RNF17: variants seen among roughly 807,000 people sequenced by gnomAD.
RNF17 encodes the protein spermatogenesis associated 23.
In RNF17, 31 loss-of-function variants were observed where a neutral mutation model predicts 200.5. The ratio of observed to expected loss-of-function variants is 0.15; its 90% CI spans 0.12 to 0.21. The LOEUF (loss-of-function observed/expected upper bound fraction) is 0.21. RNF17 is among the 10% of genes least tolerant of loss of function. RNF17 has a pLI of 1.00. For missense variants in RNF17, 1,628 were observed against 1,905.1 expected (o/e 0.85, Z 2.71); for synonymous variants, 606 against 637.8 (o/e 0.95, Z 0.75).
rs148216881 is a variant in RNF17 at position 24,815,242 on chromosome 13, A to C, written c.2092-10377A>C. 5.6e-4 allele frequency among the ~76,000 whole-genome samples: 85 copies of C among 152,306 alleles called. 1 individual carries two copies. In the East Asian group the frequency reaches 0.014, roughly 26 times the overall value. On this transcript the variant is annotated intron_variant, in intron 15 of 35. Coordinates refer to ENST00000255324, the MANE Select transcript of RNF17 (RefSeq NM_031277.3). The stretch of plus-strand genomic sequence containing the variant: ...TCAACAGTTTTGTGTGGTTTTCAGC[A>C]TAACAATTTTTGGCCCATTTGCTCA...
upstream of RNF17, among the ~76,000 whole-genome samples, chr13:24,763,003 C>G (rs1878929212): frequency 6.6e-6 from 1 of 152,180 alleles, no homozygotes; most frequent in African/African-American, 2.4e-5. Context: ...TACCTTCCCT[C>G]ACATCTACCT....
intron 23 of RNF17, among the ~76,000 whole-genome samples, chr13:24,850,655 A>C (rs954591688): frequency 6.6e-6 from 1 of 152,208 alleles, no homozygotes; most frequent in African/African-American, 2.4e-5. Context: ...ATGTTTTATT[A>C]CATTGAGTAG....
intron 10 of RNF17, 55 bp downstream of exon 10, chr13:24,793,401 A>C: frequency 2.0e-6 from 3 of 1,464,002 alleles, no homozygotes; most frequent in Non-Finnish European, 2.7e-6. Flanking sequence ...AATTAGACAC[A>C]GTTGGTACCT....
intron 13 of RNF17, among the ~76,000 whole-genome samples, chr13:24,801,001 G>A (rs1885186373): frequency 6.6e-6 from 1 of 152,124 alleles, no homozygotes; most frequent in African/African-American, 2.4e-5. Flanking sequence ...ATTCTTACAA[G>A]GTCTATGAGA....
At chr13:24,876,257 A>T in intron 33 of RNF17, among the ~76,000 whole-genome samples, 1 of 152,078 alleles carries the variant, frequency 6.6e-6, no homozygotes. Flanking sequence ...TTTTCATCTT[A>T]ATTTCATTTT....
chr13:24,838,001 CAG>C (rs1378363536), intron 18 of RNF17, among the ~76,000 whole-genome samples: 5 of 152,064 alleles, frequency 3.3e-5, no homozygotes, highest in African/African-American at 9.7e-5. Flanking sequence ...AGAAATGAAA[CAG>C]GAGATATTAC....
intron 1 of RNF17, among the ~76,000 whole-genome samples, chr13:24,765,789 C>G (rs1428704120): frequency 6.6e-6 from 1 of 152,120 alleles, no homozygotes; most frequent in Non-Finnish European, 1.5e-5. Flanking sequence ...TATTCAGTAT[C>G]AGAAATTTTA....
At chr13:24,749,278 T>C in the RNF17 span, among the ~76,000 whole-genome samples, 1 of 150,460 alleles carries the variant, frequency 6.6e-6, no homozygotes, top group Non-Finnish European at 1.5e-5. Flanking sequence ...AGTTCAAACA[T>C]TAGAACTTTC....
Position 24,793,048 on chromosome 13 carries a change from T to C in RNF17, c.942T>C (p.Tyr314=). ...TCTCTGTATTTTTAAACAGATGTTA[T>C]CCCCAAGAAAATGAAATTAGACAGA... is the stretch of plus-strand genomic sequence containing the variant. ...KIEFRDSTKC[Y]PQENEIRQNV... The change falls in exon 10 of 36, where the codon TAT becomes TAC. Residue 314 remains tyrosine (Y), a synonymous_variant. Coordinates refer to ENST00000255324, the MANE Select transcript of RNF17 (RefSeq NM_031277.3). 6.4e-7 allele frequency: 1 copy of C among 1,564,398 alleles called. No individual in the cohort carries two copies.
At chr13:24,851,319 A>G (rs540270352) in intron 23 of RNF17, 137 bp from the exon 24 acceptor site, 2 of 683,954 alleles carry the variant, frequency 2.9e-6, no homozygotes, top group South Asian at 3.4e-5. Context: ...ATGTGTTTAG[A>G]TATCAAAATA....
Position 24,874,153 on chromosome 13 carries a change from A to G in RNF17, c.4487A>G (p.Tyr1496Cys), listed in dbSNP as rs1276872332. 1 of 1,612,350 alleles carries G rather than the reference A, an allele frequency of 6.2e-7. No individual in the cohort carries two copies. The highest frequency in any genetic ancestry group is 2.2e-5 in the East Asian group (1 of 44,780). The change falls in exon 33 of 36, where the codon TAT (tyrosine) becomes TGT (cysteine). Residue 1496 changes from tyrosine to cysteine, a missense_variant. Around this residue, in one of 5 missense-constraint regions of RNF17, gnomAD observed 609 missense variants for 681.9 expected, o/e 0.89. Transcript: ENST00000255324. The stretch of plus-strand genomic sequence containing the variant: ...GCAGAATATGATGATGGCTTATGGT[A>G]TAGAGCGAAGATTGTTGCCATTAAA... ...CLAEYDDGLW[Y>C]RAKIVAIKEF...
Position 24,793,485 on chromosome 13 carries a change from C to T in RNF17, c.1240+139C>T, listed in dbSNP as rs1022153581. The T allele has an allele frequency of 2.5e-5, 19 of 759,052 alleles. No individual in the cohort carries two copies. The South Asian group carries it at 3.4e-4, about 14-fold the overall frequency. 47.0% of individuals were successfully genotyped at this position (759,052 alleles called of 1,614,324 possible). ...TCCTCATTATGAGTTAAAACCTGTT[C>T]ATTCCATGCCCCTACTCTCACATTT... is the stretch of plus-strand genomic sequence containing the variant. On this transcript the variant is annotated intron_variant, in intron 10 of 35. Transcript: ENST00000255324.
Position 24,868,864 on chromosome 13 carries a change from C to T in RNF17, c.4278+148C>T, listed in dbSNP as rs1046665396. On this transcript the variant is annotated intron_variant, in intron 31 of 35. Coordinates refer to ENST00000255324, the MANE Select transcript of RNF17 (RefSeq NM_031277.3). ...CTAGTTTGCCCCACCCTATAATATC[C>T]TCTTCAGATATTTGTCAATGTTTAA... 1.2e-4 allele frequency: 76 copies of T among 611,462 alleles called. No individual in the cohort carries two copies. The African/African-American group carries it at 1.3e-3, about 10-fold the overall frequency. The allele number at this position is 611,462 out of a possible 1,614,324, so 37.9% of individuals were successfully genotyped here.
At chr13:24,750,598 T>G in the RNF17 span, 1 of 152,274 alleles carries the variant, frequency 6.6e-6, no homozygotes, top group Non-Finnish European at 1.5e-5. Context: ...TATTTTTATA[T>G]TCAACTAGGT....
chr13:24,770,692 C>T (rs1351263999), intron 2 of RNF17, among the ~76,000 whole-genome samples: 3 of 152,162 alleles, frequency 2.0e-5, no homozygotes, highest in African/African-American at 4.8e-5. Flanking sequence ...AGAACATTCT[C>T]TTCCCCACCA....
intron 5 of RNF17, among the ~76,000 whole-genome samples, chr13:24,781,254 G>A (rs762069854): frequency 1.3e-5 from 2 of 151,652 alleles, no homozygotes; most frequent in African/African-American, 4.9e-5. Context: ...AAAATGACTT[G>A]TTTCCTGTAA....
intron 32 of RNF17, among the ~76,000 whole-genome samples, chr13:24,873,592 A>G (rs1203638123): frequency 6.6e-6 from 1 of 152,200 alleles, no homozygotes; most frequent in Non-Finnish European, 1.5e-5. Flanking sequence ...TCTGAAATAT[A>G]CAATCCATTG....
intron 2 of RNF17, among the ~76,000 whole-genome samples, chr13:24,769,198 A>C (rs1159708904): frequency 2.6e-5 from 4 of 152,084 alleles, no homozygotes; most frequent in Admixed American, 2.6e-4. Context: ...TAAAAAAAAA[A>C]AAGACTTGGC....
At chr13:24,802,239 T>C (rs1373252385) in intron 13 of RNF17, 142 bp from the exon 14 acceptor site, 9 of 627,682 alleles carry the variant, frequency 1.4e-5, no homozygotes, top group Non-Finnish European at 2.4e-5. Context: ...CACGCCCGGC[T>C]GCCCTGGCTG....
Sources: gnomAD v4.1 joint callset for allele counts (sites outside exome capture counted in the v4.1 genomes callset) on GRCh38, gnomAD v4.1.1 for gene constraint, gnomAD v4.1.1 regional missense constraint, MANE v1.5 for transcripts, NCBI Gene and HGNC (gene_info 2026-07-23, HGNC 2026-07-21) for gene names.